The following KLHL1 variants were observed in gnomAD, a reference collection of about 807,000 sequenced individuals.
KLHL1 encodes the protein kelch-like protein 1.
In KLHL1, 47 loss-of-function variants were observed where a neutral mutation model predicts 77.7. The ratio of observed to expected loss-of-function variants is 0.60; its 90% CI spans 0.48 to 0.77. The LOEUF (loss-of-function observed/expected upper bound fraction) is 0.77. Among genes scored for constraint, KLHL1 ranks in the 30% least tolerant of loss-of-function variants. KLHL1 has a pLI of 0.00. For missense variants in KLHL1, 925 were observed against 910.8 expected (o/e 1.02, Z -0.20); for synonymous variants, 360 against 325.2 (o/e 1.11, Z -1.15).
chr13:69,895,775 C>T (rs1331383520), intron 4 of KLHL1, among the ~76,000 whole-genome samples: 7 of 147,512 alleles, frequency 4.7e-5, no homozygotes, highest in Non-Finnish European at 7.4e-5. Flanking sequence ...GGTGTGGTCT[C>T]GGCTCACTGC....
chr13:70,107,645 A>G lies in KLHL1; in HGVS notation c.55T>C (p.Trp19Arg). 6.4e-7 allele frequency: 1 copy of G among 1,554,110 alleles called. No homozygotes were observed. The change falls in exon 1 of 11, where the codon TGG becomes CGG. Residue 19 changes from tryptophan to arginine, a missense_variant. By Grantham distance (101) the Trp-to-Arg change is moderately radical (BLOSUM62 -3). Coordinates refer to ENST00000377844, the MANE Select transcript of KLHL1 (RefSeq NM_020866.3). ...FDVKHILRLR[W>R]KLFSHPSPST... is the part of the protein sequence containing the mutation. ...GGAGACGGGTGGCTGAAGAGTTTCC[A>G]GCGGAGTCGCAGAATGTGCTTCACA... is the stretch of plus-strand genomic sequence containing the variant.
chr13:69,856,578 T>G (rs778552371), intron 5 of KLHL1, among the ~76,000 whole-genome samples: 14 of 152,064 alleles, frequency 9.2e-5, no homozygotes, highest in Non-Finnish European at 1.6e-4. Flanking sequence ...TGGATAACAG[T>G]ATGTTCTGAA....
At chr13:69,967,884 TCAA>T (rs1566455637) in intron 2 of KLHL1, among the ~76,000 whole-genome samples, 2 of 61,202 alleles carry the variant, frequency 3.3e-5, no homozygotes, top group African/African-American at 7.5e-5. Flanking sequence ...AGATGCTGAA[TCAA>T]AAAAAAAAAA....
At chr13:69,842,964 T>A (rs1392107447) in intron 5 of KLHL1, among the ~76,000 whole-genome samples, 1 of 151,766 alleles carries the variant, frequency 6.6e-6, no homozygotes, top group Non-Finnish European at 1.5e-5. Flanking sequence ...ATGTTCTCAC[T>A]TTTATGTGGG....
chr13:69,824,981 T>C (rs1262482477), intron 6 of KLHL1, among the ~76,000 whole-genome samples: 1 of 152,016 alleles, frequency 6.6e-6, no homozygotes, highest in Admixed American at 6.6e-5. Context: ...AGTTCATTCA[T>C]GTTTTCAATT....
At chr13:70,011,609 T>C (rs1218025536) in intron 1 of KLHL1, among the ~76,000 whole-genome samples, 1 of 152,186 alleles carries the variant, frequency 6.6e-6, no homozygotes, top group Non-Finnish European at 1.5e-5. Context: ...CCTATCTTGA[T>C]AGTATTGCTC....
At chr13:69,983,337 T>TA (rs1279701998) in intron 1 of KLHL1, among the ~76,000 whole-genome samples, 6 of 151,996 alleles carry the variant, frequency 3.9e-5, no homozygotes, top group Non-Finnish European at 7.4e-5. Flanking sequence ...AAATAAATGG[T>TA]AAAAGCAATC....
chr13:70,017,603 G>A (rs1885689691), intron 1 of KLHL1, among the ~76,000 whole-genome samples: 1 of 152,210 alleles, frequency 6.6e-6, no homozygotes, highest in Admixed American at 6.5e-5. Context: ...CAAGAGCTGA[G>A]TGCAGCCTGC....
intron 1 of KLHL1, among the ~76,000 whole-genome samples, chr13:70,010,817 A>T (rs543540307): frequency 6.6e-6 from 1 of 151,982 alleles, no homozygotes; most frequent in South Asian, 2.1e-4. Context: ...GCTAGAACCC[A>T]AGAGGCAGAG....
intron 5 of KLHL1, among the ~76,000 whole-genome samples, chr13:69,867,184 C>T (rs1880397811): frequency 6.6e-6 from 1 of 152,036 alleles, no homozygotes; most frequent in African/African-American, 2.4e-5. Flanking sequence ...GAGTCTATCA[C>T]ATAGTTTTCT....
chr13:69,950,610 T>G (rs1883676673), intron 3 of KLHL1, among the ~76,000 whole-genome samples: 3 of 151,676 alleles, frequency 2.0e-5, no homozygotes, highest in Admixed American at 1.3e-4. Context: ...AGAAGTTATT[T>G]AAATCTTCAC....
intron 1 of KLHL1, among the ~76,000 whole-genome samples, chr13:70,030,696 G>C (rs1886076032): frequency 6.6e-6 from 1 of 152,018 alleles, no homozygotes. Context: ...AGAGAAGCAA[G>C]AGCAAACACA....
chr13:69,888,286 T>C (rs73212532), intron 4 of KLHL1, among the ~76,000 whole-genome samples: 67 of 152,244 alleles, frequency 4.4e-4, no homozygotes, highest in Non-Finnish European at 8.4e-4. Context: ...TTTTAACATA[T>C]GGAATTTGGG....
At chr13:69,791,779 G>A (rs1876886315) in intron 7 of KLHL1, among the ~76,000 whole-genome samples, 1 of 152,036 alleles carries the variant, frequency 6.6e-6, no homozygotes, top group African/African-American at 2.4e-5. Flanking sequence ...TCAAAGCACG[G>A]ATCATATTTC....
intron 6 of KLHL1, among the ~76,000 whole-genome samples, chr13:69,820,640 C>T (rs1271629631): frequency 1.3e-5 from 2 of 152,132 alleles, no homozygotes; most frequent in Non-Finnish European, 2.9e-5. Context: ...TGAGAATTGC[C>T]TCTGGAGATT....
At chr13:70,083,560 C>G (rs1347133864) in intron 1 of KLHL1, among the ~76,000 whole-genome samples, 1 of 151,870 alleles carries the variant, frequency 6.6e-6, no homozygotes, top group Non-Finnish European at 1.5e-5. Flanking sequence ...CTGTGCAAAT[C>G]GTAATATTGT....
At chr13:69,846,927 C>A (rs148507765) in intron 5 of KLHL1, among the ~76,000 whole-genome samples, 1,551 of 151,406 alleles carry the variant, frequency 0.01, 12 homozygotes, top group Middle Eastern at 0.044. Context: ...AAATAGGATG[C>A]ATCATTCAAG....
intron 6 of KLHL1, among the ~76,000 whole-genome samples, chr13:69,833,290 G>A (rs892142283): frequency 6.6e-5 from 10 of 151,988 alleles, no homozygotes; most frequent in Admixed American, 6.6e-4. Context: ...CAAAAAGTGG[G>A]CTAAGGACAT....
chr13:69,996,554 A>C (rs2137319771), intron 1 of KLHL1, among the ~76,000 whole-genome samples: 1 of 152,242 alleles, frequency 6.6e-6, no homozygotes, highest in South Asian at 2.1e-4. Flanking sequence ...AACACTTTGT[A>C]AAAAGAAGCA....
Sources: gnomAD v4.1 joint callset for allele counts (sites outside exome capture counted in the v4.1 genomes callset) on GRCh38, gnomAD v4.1.1 for gene constraint, MANE v1.5 for transcripts, NCBI Gene and HGNC (gene_info 2026-07-23, HGNC 2026-07-21) for gene names.